RASAL2: variants seen among roughly 807,000 people sequenced by gnomAD.
RASAL2 encodes the protein RAS protein activator like 2, also known as ras GTPase-activating protein nGAP.
RASAL2 carries 58 observed loss-of-function variants against 128.9 expected under a neutral mutation model. That is an observed-to-expected ratio of 0.45 (90% CI 0.36 to 0.56). RASAL2 has a LOEUF of 0.56. RASAL2 is among the 20% of genes least tolerant of loss of function. RASAL2 has a pLI of 0.00. For synonymous variants in RASAL2, 561 were observed against 580.8 expected (o/e 0.97, Z 0.49); for missense variants, 1,360 against 1,601.6 (o/e 0.85, Z 2.57).
intron 1 of RASAL2, among the ~76,000 whole-genome samples, chr1:178,226,043 C>T (rs947943052): frequency 1.3e-5 from 2 of 152,136 alleles, no homozygotes; most frequent in Admixed American, 1.3e-4. Flanking sequence ...GACTGAATTA[C>T]AGAGGAACCT....
intron 1 of RASAL2, among the ~76,000 whole-genome samples, chr1:178,217,835 C>A (rs1291485751): frequency 6.6e-6 from 1 of 152,052 alleles, no homozygotes; most frequent in Non-Finnish European, 1.5e-5. Context: ...TGAAGTTGCC[C>A]CATTGATCAA....
intron 17 of RASAL2, among the ~76,000 whole-genome samples, chr1:178,470,477 C>T (rs1648145605): frequency 6.6e-6 from 1 of 152,164 alleles, no homozygotes. Context: ...GCTTAGGGGC[C>T]ATAGGGATCC....
At chr1:178,359,199 G>A (rs566217274) in intron 3 of RASAL2, among the ~76,000 whole-genome samples, 35 of 151,912 alleles carry the variant, frequency 2.3e-4, no homozygotes, top group African/African-American at 5.5e-4. Context: ...TTTTTGGCTG[G>A]GAGTACAGAG....
At chr1:178,441,135 T>C (rs1676619567) in intron 6 of RASAL2, among the ~76,000 whole-genome samples, 1 of 142,916 alleles carries the variant, frequency 7.0e-6, no homozygotes, top group Non-Finnish European at 1.6e-5. Context: ...CAGATGTAGA[T>C]GTAGATATAA....
chr1:178,293,714 A>G (rs1667378406), intron 2 of RASAL2, among the ~76,000 whole-genome samples: 1 of 152,332 alleles, frequency 6.6e-6, no homozygotes, highest in Non-Finnish European at 1.5e-5. Flanking sequence ...TTTGTGAACT[A>G]TTTTAAGGTT....
chr1:178,389,154 T>C (rs1483651709), intron 3 of RASAL2: 1 of 414,464 alleles, frequency 2.4e-6, no homozygotes, highest in Admixed American at 6.4e-5. Flanking sequence ...ATTTACTCCT[T>C]GTTTTCTAAG....
At chr1:178,401,108 A>G (rs1010295236) in intron 4 of RASAL2, among the ~76,000 whole-genome samples, 1 of 152,236 alleles carries the variant, frequency 6.6e-6, no homozygotes, top group African/African-American at 2.4e-5. Flanking sequence ...TATCTTATTC[A>G]TCTCATAACT....
chr1:178,228,966 C>T (rs1328712308), intron 1 of RASAL2, among the ~76,000 whole-genome samples: 3 of 152,030 alleles, frequency 2.0e-5, no homozygotes, highest in Non-Finnish European at 2.9e-5. Flanking sequence ...AAAATATTTA[C>T]TTGCGTATTG....
intron 3 of RASAL2, among the ~76,000 whole-genome samples, chr1:178,353,266 G>T (rs1224571075): frequency 6.6e-6 from 1 of 152,176 alleles, no homozygotes; most frequent in Admixed American, 6.5e-5. Context: ...AGCATAGGTT[G>T]TTAGAAGCAG....
At chr1:178,188,062 T>G (rs1429843844) in intron 1 of RASAL2, among the ~76,000 whole-genome samples, 2 of 152,306 alleles carry the variant, frequency 1.3e-5, no homozygotes, top group Non-Finnish European at 2.9e-5. Context: ...CCTCCAGCCC[T>G]GAGTAAGTTA....
chr1:178,450,982 G>T (rs1015568523), intron 9 of RASAL2, among the ~76,000 whole-genome samples: 18 of 152,252 alleles, frequency 1.2e-4, no homozygotes, highest in Admixed American at 5.2e-4. Flanking sequence ...TAGAGCATAG[G>T]CCGTATGAAC....
intron 1 of RASAL2, among the ~76,000 whole-genome samples, chr1:178,281,526 G>A (rs1163348152): frequency 2.0e-5 from 3 of 152,076 alleles, no homozygotes; most frequent in South Asian, 2.1e-4. Flanking sequence ...CCTGGGTTGT[G>A]CTATTAATCA....
intron 17 of RASAL2, chr1:178,470,573 G>T (rs2102965180): frequency 1.4e-6 from 1 of 697,414 alleles, no homozygotes; most frequent in Non-Finnish European, 2.2e-6. Flanking sequence ...AGACACTGTG[G>T]CTCCCAGGAT....
intron 11 of RASAL2, among the ~76,000 whole-genome samples, chr1:178,453,268 A>G (rs1002058953): frequency 2.6e-5 from 4 of 152,068 alleles, no homozygotes; most frequent in African/African-American, 9.7e-5. Context: ...TAATTCGTGA[A>G]TAATGTTTTT....
rs1648707818 is a variant in RASAL2 at position 178,476,848 on chromosome 1, C to T, written c.*3609C>T. ...GAGCAGAGTTCTTCTTTGGAAGTCC[C>T]AGAGCAAAATAACTGCCATCAAGTG... On this transcript the variant is annotated 3_prime_UTR_variant, in exon 18 of 18. Coordinates refer to ENST00000367649, the MANE Select transcript of RASAL2 (RefSeq NM_170692.4). 6.6e-6 allele frequency: 1 copy of T among 152,172 alleles called. No homozygotes were observed. 9.4% of individuals were successfully genotyped at this position (152,172 alleles called of 1,614,324 possible).
intron 1 of RASAL2, among the ~76,000 whole-genome samples, chr1:178,276,769 G>A (rs934773546): frequency 1.3e-5 from 2 of 152,030 alleles, no homozygotes; most frequent in Non-Finnish European, 2.9e-5. Context: ...ATAGAAGATA[G>A]CCATGTGTAT....
intron 1 of RASAL2, among the ~76,000 whole-genome samples, chr1:178,249,373 G>T (rs1429785950): frequency 6.6e-6 from 1 of 151,886 alleles, no homozygotes; most frequent in Non-Finnish European, 1.5e-5. Context: ...TTCTCGTGCT[G>T]TGTTTTTCAT....
At chr1:178,153,865 C>T (rs141874214) in intron 1 of RASAL2, among the ~76,000 whole-genome samples, 142 of 151,868 alleles carry the variant, frequency 9.4e-4, no homozygotes, top group African/African-American at 2.9e-3. Flanking sequence ...GATGCAGTTT[C>T]GTTCTTGTTG....
At chr1:178,284,835 A>G (rs1289124486) in intron 2 of RASAL2, among the ~76,000 whole-genome samples, 1 of 152,214 alleles carries the variant, frequency 6.6e-6, no homozygotes, top group African/African-American at 2.4e-5. Context: ...TGCCAAAACT[A>G]TATAAATAAC....
Sources: gnomAD v4.1 joint callset for allele counts (sites outside exome capture counted in the v4.1 genomes callset) on GRCh38, gnomAD v4.1.1 for gene constraint, MANE v1.5 for transcripts, NCBI Gene and HGNC (gene_info 2026-07-23, HGNC 2026-07-21) for gene names.